Variants in TAFA2 observed in about 807,000 individuals in gnomAD.
The protein encoded by TAFA2 is TAFA chemokine like family member 2, also known as chemokine-like protein TAFA-2.
TAFA2 carries 7 observed loss-of-function variants against 18.8 expected under a neutral mutation model. The observed-to-expected ratio is 0.37, with a 90% CI of 0.21 to 0.70. The LOEUF is 0.70. Among genes scored for constraint, TAFA2 ranks in the 30% least tolerant of loss-of-function variants. The pLI is 0.53. For missense variants in TAFA2, 122 were observed against 158.1 expected (o/e 0.77, Z 1.23); for synonymous variants, 60 against 54.2 (o/e 1.11, Z -0.47).
At chr12:61,758,440 G>A (rs1420721667) in intron 2 of TAFA2, among the ~76,000 whole-genome samples, 2 of 151,980 alleles carry the variant, frequency 1.3e-5, no homozygotes, top group Non-Finnish European at 2.9e-5. Context: ...CAGGGCCCCT[G>A]GAGGGTTGAC....
At chr12:62,241,370 G>A (rs1176729089) in intron 1 of TAFA2, among the ~76,000 whole-genome samples, 1 of 152,202 alleles carries the variant, frequency 6.6e-6, no homozygotes, top group Non-Finnish European at 1.5e-5. Flanking sequence ...ATTTCTCCAG[G>A]AGAGGTAAAT....
chr12:61,892,233 T>C (rs1875667045), intron 1 of TAFA2, among the ~76,000 whole-genome samples: 1 of 151,966 alleles, frequency 6.6e-6, no homozygotes, highest in African/African-American at 2.4e-5. Context: ...AAAAACTAGA[T>C]GAATATTGGT....
chr12:62,038,358 C>T (rs1465575271), intron 1 of TAFA2, among the ~76,000 whole-genome samples: 1 of 152,208 alleles, frequency 6.6e-6, no homozygotes, highest in Non-Finnish European at 1.5e-5. Flanking sequence ...TATCTTCCTT[C>T]TTTGTCTGCA....
intron 1 of TAFA2, among the ~76,000 whole-genome samples, chr12:61,989,267 T>C (rs1005701620): frequency 6.6e-6 from 1 of 152,008 alleles, no homozygotes; most frequent in African/African-American, 2.4e-5. Flanking sequence ...TGCCTAGTGA[T>C]CCATAGAAGA....
chr12:62,089,192 G>A (rs1171307038), intron 1 of TAFA2, among the ~76,000 whole-genome samples: 3 of 152,028 alleles, frequency 2.0e-5, no homozygotes, highest in Non-Finnish European at 4.4e-5. Context: ...AAGCAAATTC[G>A]TCAAAATTTA....
At chr12:61,974,889 A>G (rs1349880629) in intron 1 of TAFA2, among the ~76,000 whole-genome samples, 2 of 151,926 alleles carry the variant, frequency 1.3e-5, no homozygotes, top group Non-Finnish European at 2.9e-5. Context: ...TCATCGAAGT[A>G]TCAGCTAGGC....
At chr12:61,954,140 C>G (rs77577146) in intron 1 of TAFA2, among the ~76,000 whole-genome samples, 1 of 152,058 alleles carries the variant, frequency 6.6e-6, no homozygotes, top group Non-Finnish European at 1.5e-5. Context: ...CCCACCCTTC[C>G]AAGTCTCTAG....
intron 4 of TAFA2, among the ~76,000 whole-genome samples, chr12:61,723,553 A>T (rs987339996): frequency 6.6e-6 from 1 of 152,166 alleles, no homozygotes; most frequent in African/African-American, 2.4e-5. Context: ...TATCCCTATG[A>T]TTCTGCAGTT....
chr12:61,740,848 C>T (rs1273812329), intron 4 of TAFA2, among the ~76,000 whole-genome samples: 1 of 130,734 alleles, frequency 7.6e-6, no homozygotes, highest in African/African-American at 3.1e-5. Flanking sequence ...AACATTGCTA[C>T]TTAATAGGAA....
In TAFA2 at chr12:62,189,939, T is replaced by TG. The variant is rs1565774957; in HGVS notation, c.-2+1319_-2+1320insC. 5.9e-4 allele frequency among the ~76,000 whole-genome samples: 79 copies of TG among 133,348 alleles called. 1 individual carries two copies. The highest frequency in any genetic ancestry group is 2.0e-3 in the African/African-American group (67 of 32,838). 87.5% of individuals were successfully genotyped at this position (133,348 alleles called of 152,430 possible). On this transcript the variant is annotated intron_variant, in intron 1 of 4. Coordinates refer to ENST00000416284, the MANE Select transcript of TAFA2 (RefSeq NM_178539.5). ...GAGTAAAGGTTGCTTATGAGTTTGC[T>TG]TTGTGTGTGTGTGTGTGTGTGTGTG...
At chr12:61,956,303 T>A (rs964834469) in intron 1 of TAFA2, among the ~76,000 whole-genome samples, 10 of 152,084 alleles carry the variant, frequency 6.6e-5, no homozygotes, top group Non-Finnish European at 1.5e-4. Context: ...TTATCTTTTG[T>A]TGGTGGATAA....
chr12:61,980,206 A>C (rs1008368604), intron 1 of TAFA2, among the ~76,000 whole-genome samples: 6 of 152,182 alleles, frequency 3.9e-5, no homozygotes, highest in African/African-American at 1.4e-4. Context: ...CAAAAACCAC[A>C]TGATTATCTC....
chr12:62,184,800 GA>G (rs1269518900), intron 1 of TAFA2, among the ~76,000 whole-genome samples: 1 of 151,780 alleles, frequency 6.6e-6, no homozygotes, highest in Non-Finnish European at 1.5e-5. Context: ...GTGCCTGGCT[GA>G]AAAAACACTT....
At chr12:62,072,797 T>C (rs1882666850) in intron 1 of TAFA2, among the ~76,000 whole-genome samples, 1 of 151,924 alleles carries the variant, frequency 6.6e-6, no homozygotes, top group African/African-American at 2.4e-5. Flanking sequence ...AATAAATAAA[T>C]AATAATCCAT....
intron 1 of TAFA2, among the ~76,000 whole-genome samples, chr12:62,146,272 TC>T (rs2062279993): frequency 7.1e-6 from 1 of 140,154 alleles, no homozygotes; most frequent in South Asian, 2.3e-4. Context: ...CAAAGCTTTC[TC>T]CCCTTTGCTG....
intron 1 of TAFA2, among the ~76,000 whole-genome samples, chr12:62,015,247 G>A (rs558147867): frequency 3.4e-4 from 52 of 152,220 alleles, no homozygotes; most frequent in African/African-American, 1.2e-3. Flanking sequence ...CTAAACTAGG[G>A]CTCTGTAAGT....
chr12:61,990,721 T>C (rs1565707741), intron 1 of TAFA2, among the ~76,000 whole-genome samples: 2 of 152,218 alleles, frequency 1.3e-5, no homozygotes, highest in Admixed American at 6.5e-5. Flanking sequence ...AAATTACTTA[T>C]GTGGTAGTGC....
At chr12:61,827,545 G>T (rs1872573434) in intron 2 of TAFA2, among the ~76,000 whole-genome samples, 1 of 151,912 alleles carries the variant, frequency 6.6e-6, no homozygotes, top group Non-Finnish European at 1.5e-5. Flanking sequence ...CATTTAGTCT[G>T]GCGTTCCCTG....
intron 1 of TAFA2, among the ~76,000 whole-genome samples, chr12:61,950,771 T>C (rs1878438190): frequency 6.6e-6 from 1 of 152,080 alleles, no homozygotes; most frequent in Non-Finnish European, 1.5e-5. Context: ...CTAAGTCTGT[T>C]TCTTCTCTGC....
Sources: allele counts gnomAD v4.1 joint callset (sites outside exome capture counted in the v4.1 genomes callset), GRCh38; gene constraint gnomAD v4.1.1; transcripts MANE v1.5; gene names NCBI Gene and HGNC (gene_info 2026-07-23, HGNC 2026-07-21).